UPF2: variants seen among roughly 807,000 people sequenced by gnomAD.
UPF2 encodes the protein UPF2 regulator of nonsense mediated mRNA decay, also known as regulator of nonsense transcripts 2.
In UPF2, 17 loss-of-function variants were observed where a neutral mutation model predicts 141.4. The observed-to-expected ratio is 0.12, with a 90% confidence interval of 0.08 to 0.18. The LOEUF (loss-of-function observed/expected upper bound fraction) is 0.18, where lower values mean the gene tolerates loss of function less well. Ranked by LOEUF, UPF2 falls within the 10% of genes least tolerant of loss-of-function variation. UPF2 has a pLI of 1.00. For synonymous variants in UPF2, 540 were observed against 498.0 expected (o/e 1.08, Z -1.12); for missense variants, 1,152 against 1,515.9 (o/e 0.76, Z 3.99).
intron 16 of UPF2, 77 bp downstream of exon 16, chr10:11,948,292 T>C (rs1833030034): frequency 8.0e-6 from 11 of 1,370,966 alleles, no homozygotes; most frequent in Non-Finnish European, 1.1e-5. Context: ...TCTTATGTAT[T>C]AAAAAAATTT....
intron 8 of UPF2, among the ~76,000 whole-genome samples, chr10:11,981,778 C>T (rs146637173): frequency 0.056 from 8,521 of 152,142 alleles, 320 homozygotes; most frequent in Non-Finnish European, 0.085. Flanking sequence ...CTCCGCCTCC[C>T]GGGTTCAAGC....
chr10:11,999,694 G>C (rs1172067076), intron 7 of UPF2, among the ~76,000 whole-genome samples: 3 of 152,114 alleles, frequency 2.0e-5, no homozygotes, highest in Non-Finnish European at 4.4e-5. Context: ...TGTATGAACA[G>C]GACAGGATGC....
chr10:11,969,601 C>G (rs995456401), intron 9 of UPF2, among the ~76,000 whole-genome samples: 2 of 152,158 alleles, frequency 1.3e-5, no homozygotes, highest in South Asian at 2.1e-4. Flanking sequence ...TTATTATTAG[C>G]CTTGTAATTT....
chr10:11,985,486 A>G (rs1833673002), intron 8 of UPF2, among the ~76,000 whole-genome samples: 1 of 151,884 alleles, frequency 6.6e-6, no homozygotes, highest in Non-Finnish European at 1.5e-5. Context: ...AAATACAAAA[A>G]ATTAGCTGGG....
Position 12,028,761 on chromosome 10 carries a change from T to C in UPF2, c.1129A>G (p.Thr377Ala). The C allele has an allele frequency of 1.3e-6, 2 of 1,596,558 alleles. No individual in the cohort carries two copies. The highest frequency in any genetic ancestry group is 2.3e-5 in the South Asian group (2 of 87,860). Residue 377 changes from threonine to alanine, a missense_variant, in exon 3 of 22, where the codon ACT becomes GCT. Thr to Ala is a moderately conservative substitution (Grantham distance 58, BLOSUM62 0). Transcript: ENST00000357604. ...GAAAATCACCTGTTTTGTCTCTCAG[T>C]ATTCTGGAGCTCCCTGTGGTCCCTT... The part of the protein sequence containing the change: ...LKRDHRELQN[T>A]ERQNRRILHS...
At position 11,956,606 on chromosome 10, in the gene UPF2, G is replaced by C; in HGVS notation, c.2371-83C>G. The C allele has an allele frequency of 7.7e-7, 1 of 1,303,452 alleles. No individual in the cohort carries two copies. The highest frequency in any genetic ancestry group is 1.3e-5 in the South Asian group (1 of 77,366). The allele number at this position is 1,303,452 out of a possible 1,614,324, so 80.7% of individuals were successfully genotyped here. A position where few individuals can be genotyped will look rare whatever the true frequency, so the allele number is the denominator to read the frequency against. On this transcript the variant is annotated intron_variant, in intron 12 of 21. Transcript: ENST00000357604. The surrounding 1 kb of genome is among the most constrained non-coding windows in gnomAD (Gnocchi z 4.2). ...ATAATACAGAAATTTTGCTATGATTGCGCAGAGAACTTTTGAAATAGAAAA... is the reference window on the plus strand; with the variant it reads ...ATAATACAGAAATTTTGCTATGATTCCGCAGAGAACTTTTGAAATAGAAAA...
chr10:11,956,766 T>C lies in UPF2; in HGVS notation c.2371-243A>G, dbSNP rs548461993. On this transcript the variant is annotated intron_variant, in intron 12 of 21. Coordinates refer to ENST00000357604, the MANE Select transcript of UPF2 (RefSeq NM_015542.4). The surrounding 1 kb of genome is among the most constrained non-coding windows in gnomAD (Gnocchi z 4.2). ...TTTTCTAGAGTTTTCAGGTCTTCAATCTAGGTGACTGTTCTCAGGTCATTA... is the reference window on the plus strand; with the variant it reads ...TTTTCTAGAGTTTTCAGGTCTTCAACCTAGGTGACTGTTCTCAGGTCATTA... 7.2e-5 allele frequency among the ~76,000 whole-genome samples: 11 copies of C among 152,316 alleles called. No homozygotes were observed. The highest frequency in any genetic ancestry group is 2.6e-4 in the African/African-American group (11 of 41,574).
chr10:12,030,711 A>G (rs4750152), intron 2 of UPF2, among the ~76,000 whole-genome samples: 88,842 of 149,716 alleles, frequency 0.59, 27,695 homozygotes, highest in East Asian at 0.86. Context: ...GTGAAACGCC[A>G]TCTCTACTAA....
At chr10:11,977,024 A>G (rs1046709649) in intron 9 of UPF2, among the ~76,000 whole-genome samples, 8 of 152,168 alleles carry the variant, frequency 5.3e-5, no homozygotes, top group Non-Finnish European at 1.2e-4. Context: ...TTCCTAGAAC[A>G]CCGGAGAGTG....
Position 12,014,092 on chromosome 10 carries a change from G to A in UPF2, c.1238C>T (p.Ser413Phe). The change falls in exon 4 of 22, where the codon TCT becomes TTT. Residue 413 changes from serine (S) to phenylalanine (F), a missense_variant. Around this residue, in one of 4 missense-constraint regions of UPF2, gnomAD observed 739 missense variants for 1,032.2 expected, o/e 0.72. Coordinates refer to ENST00000357604, the MANE Select transcript of UPF2 (RefSeq NM_015542.4). This position sits in a 1 kb window ranked among gnomAD's most constrained non-coding sequence, Gnocchi z 5.0. ...AMSYQKLLAN[S>F]QSLADLLDEN... ...ATCCAAAAGGTCTGCTAAGGATTGA[G>A]AATTTGCCAGCAGCTTCTGGTAAGA... 1 of 1,599,934 alleles carries A rather than the reference G, an allele frequency of 6.3e-7. No individual in the cohort carries two copies. The highest frequency in any genetic ancestry group is 8.5e-7 in the Non-Finnish European group (1 of 1,172,400).
chr10:12,011,123 A>G (rs770703797), intron 4 of UPF2, among the ~76,000 whole-genome samples: 15 of 152,196 alleles, frequency 9.9e-5, no homozygotes, highest in South Asian at 4.1e-4. Flanking sequence ...CTAGGACTAC[A>G]GGCTTGTGCC....
intron 21 of UPF2, among the ~76,000 whole-genome samples, chr10:11,927,154 T>C (rs1200958866): frequency 5.9e-5 from 9 of 152,216 alleles, no homozygotes; most frequent in Non-Finnish European, 1.0e-4. Context: ...AGTGCAGTCC[T>C]GGATGAGTGT....
chr10:12,038,572 T>C (rs1191646614), intron 1 of UPF2, among the ~76,000 whole-genome samples: 3 of 151,656 alleles, frequency 2.0e-5, no homozygotes, highest in Non-Finnish European at 2.9e-5. Flanking sequence ...CTACTAAATA[T>C]ACAAAAATTA....
intron 2 of UPF2, among the ~76,000 whole-genome samples, chr10:12,031,772 C>T (rs1834528555): frequency 6.6e-6 from 1 of 152,068 alleles, no homozygotes; most frequent in African/African-American, 2.4e-5. Context: ...TGAGCCCTGT[C>T]TCAAAAAGTT....
At position 11,948,228 on chromosome 10, in the gene UPF2, A is replaced by G. The variant is rs1833027773; in HGVS notation, c.3174+141T>C. ...GTGCCACAGCACTCCAACTTGGGCGACAGAGCAAGACTCTGTCTCAAAAAA... is the reference window on the plus strand; with the variant it reads ...GTGCCACAGCACTCCAACTTGGGCGGCAGAGCAAGACTCTGTCTCAAAAAA... On this transcript the variant is annotated intron_variant, in intron 16 of 21. Transcript: ENST00000357604. 3.5e-6 allele frequency: 3 copies of G among 864,520 alleles called. No homozygotes were observed. In the East Asian group the frequency reaches 8.9e-5, roughly 26 times the overall value. 53.6% of individuals were successfully genotyped at this position (864,520 alleles called of 1,614,324 possible).
chr10:11,999,000 G>C lies in UPF2; in HGVS notation c.1758+906C>G, dbSNP rs1001790733. ...AGACCGTGCCACTGCACTCCAGACC[G>C]GGCAACAGAGCAAGACTCCACTCAA... On this transcript the variant is annotated intron_variant, in intron 7 of 21. Coordinates refer to ENST00000357604, the MANE Select transcript of UPF2 (RefSeq NM_015542.4). This position sits in a 1 kb window ranked among gnomAD's most constrained non-coding sequence, Gnocchi z 4.5. Among the ~76,000 whole-genome samples, 1 of 149,640 alleles carries C rather than the reference G, an allele frequency of 6.7e-6. No individual in the cohort carries two copies. The highest frequency in any genetic ancestry group is 2.5e-5 in the African/African-American group (1 of 40,672).
At chr10:12,004,383 T>C in intron 5 of UPF2, 147 bp downstream of exon 5, 1 of 608,674 alleles carries the variant, frequency 1.6e-6, no homozygotes, top group Non-Finnish European at 2.8e-6. Flanking sequence ...CATCATTCCA[T>C]ATAATTCTGT....
Position 11,935,200 on chromosome 10 carries a change from T to A in UPF2, c.3546+1345A>T, listed in dbSNP as rs920214107. Among the ~76,000 whole-genome samples, 8 of 152,076 alleles carry A rather than the reference T, an allele frequency of 5.3e-5. No individual in the cohort carries two copies. The highest frequency in any genetic ancestry group is 1.9e-4 in the African/African-American group (8 of 41,414). On this transcript the variant is annotated intron_variant, in intron 19 of 21. Transcript: ENST00000357604. This position sits in a 1 kb window ranked among gnomAD's most constrained non-coding sequence, Gnocchi z 4.9. ...ATCTCACCATCCGTGTCTCTTTCTATCCTCTTACCCTGCTTTATCCTCCTT... is the reference window on the plus strand; with the variant it reads ...ATCTCACCATCCGTGTCTCTTTCTAACCTCTTACCCTGCTTTATCCTCCTT...
chr10:11,977,336 G>A (rs1162161585), intron 9 of UPF2, among the ~76,000 whole-genome samples: 1 of 152,168 alleles, frequency 6.6e-6, no homozygotes, highest in Non-Finnish European at 1.5e-5. Flanking sequence ...GGAAGTAGAA[G>A]GTGATCAAGT....
Sources: allele counts gnomAD v4.1 joint callset (sites outside exome capture counted in the v4.1 genomes callset), GRCh38; gene constraint gnomAD v4.1.1; regional missense constraint gnomAD v4.1.1; non-coding constraint Gnocchi (gnomAD v3.1); transcripts MANE v1.5; gene names NCBI Gene and HGNC (gene_info 2026-07-23, HGNC 2026-07-21).